DUS2: variants seen among roughly 807,000 people sequenced by gnomAD.
DUS2 encodes dihydrouridine synthase 2.
DUS2 carries 52 observed loss-of-function variants against 71.3 expected under a neutral mutation model. That is an observed-to-expected ratio of 0.73 (90% confidence interval 0.58 to 0.92). The LOEUF (loss-of-function observed/expected upper bound fraction) is 0.92. DUS2 is among the 40% of genes least tolerant of loss of function. The pLI is 0.00. For missense variants in DUS2, 558 were observed against 622.6 expected (o/e 0.90, Z 1.10); for synonymous variants, 204 against 227.8 (o/e 0.90, Z 0.94).
chr16:68,066,224 G>A (rs1166142271), intron 8 of DUS2, 93 bp from the exon 9 acceptor site: 40 of 1,154,170 alleles, frequency 3.5e-5, no homozygotes, highest in Middle Eastern at 3.9e-4. Context: ...TCATGCCACC[G>A]GAATGCACAG....
Position 68,071,786 on chromosome 16 carries a change from T to C in DUS2, c.810+678T>C, listed in dbSNP as rs543184007. 3.9e-5 allele frequency among the ~76,000 whole-genome samples: 6 copies of C among 152,218 alleles called. No homozygotes were observed. The South Asian group carries it at 1.2e-3, about 32-fold the overall frequency. The stretch of plus-strand genomic sequence containing the variant: ...CCAAGTAGTTGGGACTACAGGCATG[T>C]GCCACAACACTCAGCTAATTTTTTA... On this transcript the variant is annotated intron_variant, in intron 12 of 16. Coordinates refer to ENST00000565263, the MANE Select transcript of DUS2 (RefSeq NM_017803.5).
intron 3 of DUS2, among the ~76,000 whole-genome samples, chr16:68,042,326 G>A (rs2033636927): frequency 6.6e-6 from 1 of 152,238 alleles, no homozygotes; most frequent in Non-Finnish European, 1.5e-5. Context: ...TGTGAACATG[G>A]GCGTGCAAAT....
chr16:68,069,086 G>A (rs1035670998), intron 10 of DUS2, among the ~76,000 whole-genome samples: 1 of 152,054 alleles, frequency 6.6e-6, no homozygotes, highest in African/African-American at 2.4e-5. Flanking sequence ...CGACCCTTTT[G>A]TTGAAGAGTA....
chr16:68,035,948 A>T (rs1363929522), intron 2 of DUS2, among the ~76,000 whole-genome samples: 1 of 141,430 alleles, frequency 7.1e-6, no homozygotes, highest in Non-Finnish European at 1.5e-5. Context: ...ACATACACAT[A>T]TATATACACA....
chr16:68,041,337 A>G (rs567864563), intron 3 of DUS2, among the ~76,000 whole-genome samples: 37 of 152,256 alleles, frequency 2.4e-4, no homozygotes, highest in Admixed American at 6.5e-4. Context: ...GAGTGATGAC[A>G]GTTTTTGGGA....
At chr16:68,034,733 C>A (rs1390868377) in intron 2 of DUS2, among the ~76,000 whole-genome samples, 2 of 152,112 alleles carry the variant, frequency 1.3e-5, no homozygotes, top group Admixed American at 1.3e-4. Context: ...CATGGTGGCT[C>A]ATGCCTGTAA....
chr16:68,076,641 C>A lies in DUS2; in HGVS notation c.1092C>A (p.Tyr364Ter). The A allele has an allele frequency of 6.2e-7, 1 of 1,613,882 alleles. No homozygotes were observed. Among genetic ancestry groups the A allele is most frequent in the Non-Finnish European group, 8.5e-7 (1 of 1,179,848 alleles). The change falls in exon 15 of 17, where the codon TAC becomes TAA. Residue 364 changes from tyrosine (Y) to a stop codon, truncating the protein, a stop_gained. Transcript: ENST00000565263. LOFTEE classifies it high-confidence loss of function. ...CCCTTCCTTTCCCCAGGAGAGCATA[C>A]CCAGCCCAGATCACCCCTAAGATGT... ...KMAVKFDRRA[Y>*]PAQITPKMCL...
chr16:68,075,498 T>C lies in DUS2; in HGVS notation c.1076T>C (p.Phe359Ser). 6.2e-7 allele frequency: 1 copy of C among 1,611,760 alleles called. No homozygotes were observed. Among genetic ancestry groups the C allele is most frequent in the East Asian group, 2.2e-5 (1 of 44,830 alleles). ...TSGVIKMAVK[F>S]DRRAYPAQIT... is the part of the protein sequence containing the mutation. ...GGTGTCATTAAGATGGCTGTCAAGT[T>C]TGACCGGTAGGTCTCCAGCTTGGCC... Residue 359 changes from phenylalanine to serine, a missense_variant, in exon 14 of 17, where the codon TTT becomes TCT. Phe to Ser is a radical substitution (Grantham distance 155). Coordinates refer to ENST00000565263, the MANE Select transcript of DUS2 (RefSeq NM_017803.5).
At chr16:68,064,303 G>A (rs938046935) in intron 8 of DUS2, among the ~76,000 whole-genome samples, 1 of 152,132 alleles carries the variant, frequency 6.6e-6, no homozygotes, top group African/African-American at 2.4e-5. Context: ...GCTAGAGCCT[G>A]GCCAGAAGAC....
At chr16:68,054,477 G>A (rs1306587871) in intron 5 of DUS2, 97 bp from the exon 6 acceptor site, 1 of 1,301,314 alleles carries the variant, frequency 7.7e-7, no homozygotes. Flanking sequence ...TTGGTGTGTG[G>A]GGTGTGTGTG....
chr16:68,064,558 C>T (rs1000021461), intron 8 of DUS2, among the ~76,000 whole-genome samples: 3 of 152,194 alleles, frequency 2.0e-5, no homozygotes, highest in Admixed American at 1.3e-4. Flanking sequence ...TGTAATGGAA[C>T]CTTTTAGAGA....
At chr16:68,025,822 A>C (rs538567951) in intron 2 of DUS2, among the ~76,000 whole-genome samples, 29 of 152,304 alleles carry the variant, frequency 1.9e-4, no homozygotes, top group Admixed American at 1.7e-3. Context: ...AGCTCCTGAG[A>C]TCAGGAGCTT....
chr16:68,028,193 T>C (rs970042278), intron 2 of DUS2, among the ~76,000 whole-genome samples: 2 of 152,126 alleles, frequency 1.3e-5, no homozygotes, highest in Non-Finnish European at 2.9e-5. Context: ...TGGAGACTGT[T>C]GTCATGGTTC....
At chr16:68,027,035 G>A (rs2033361245) in intron 2 of DUS2, 1 of 152,152 alleles carries the variant, frequency 6.6e-6, no homozygotes, top group South Asian at 2.1e-4. Context: ...GTTCACTCAA[G>A]TGATGGCTCC....
chr16:68,056,351 C>T lies in DUS2; in HGVS notation c.309-13C>T. On this transcript the variant is annotated splice_polypyrimidine_tract_variant and intron_variant, in intron 6 of 16. Coordinates refer to ENST00000565263, the MANE Select transcript of DUS2 (RefSeq NM_017803.5). ...TCAATACTTATTACCTTTACTCCTTCATCCTTTTCCAGAGAAAATGATGTG... is the reference window on the plus strand; with the variant it reads ...TCAATACTTATTACCTTTACTCCTTTATCCTTTTCCAGAGAAAATGATGTG... The T allele has an allele frequency of 1.2e-6, 2 of 1,611,902 alleles. No individual in the cohort carries two copies. Among genetic ancestry groups the T allele is most frequent in the Non-Finnish European group, 1.7e-6 (2 of 1,178,410 alleles).
intron 3 of DUS2, among the ~76,000 whole-genome samples, chr16:68,043,034 G>T (rs1393860002): frequency 6.6e-6 from 1 of 151,950 alleles, no homozygotes; most frequent in Non-Finnish European, 1.5e-5. Flanking sequence ...AAAATCTTTT[G>T]TAGAGACAGG....
intron 16 of DUS2, 40 bp from the exon 17 acceptor site, chr16:68,078,709 T>C (rs2151428072): frequency 6.3e-7 from 1 of 1,577,728 alleles, no homozygotes; most frequent in South Asian, 1.1e-5. Context: ...CTCATAGCCC[T>C]GCACCCTGCC....
chr16:68,074,617 C>T (rs2034132257), intron 13 of DUS2, among the ~76,000 whole-genome samples: 1 of 152,216 alleles, frequency 6.6e-6, no homozygotes, highest in Non-Finnish European at 1.5e-5. Context: ...CTAGCCACTG[C>T]CCCCACAGCT....
chr16:68,075,933 G>A (rs1167976795), intron 14 of DUS2, among the ~76,000 whole-genome samples: 1 of 152,100 alleles, frequency 6.6e-6, no homozygotes, highest in East Asian at 1.9e-4. Flanking sequence ...AGCTGCTTAC[G>A]CCTCAGATTG....
Sources: allele counts gnomAD v4.1 joint callset (sites outside exome capture counted in the v4.1 genomes callset), GRCh38; gene constraint gnomAD v4.1.1; transcripts MANE v1.5; gene names NCBI Gene and HGNC (gene_info 2026-07-23, HGNC 2026-07-21).